USP13: variants seen among roughly 807,000 people sequenced by gnomAD.
The protein encoded by USP13 is ubiquitin specific peptidase 13, also known as ubiquitin carboxyl-terminal hydrolase 13.
In USP13, 68 loss-of-function variants were observed where a neutral mutation model predicts 107.8. The ratio of observed to expected loss-of-function variants is 0.63; its 90% CI spans 0.52 to 0.77. The LOEUF is 0.77. USP13 is among the 30% of genes least tolerant of loss of function. The pLI is 0.00. For missense variants in USP13, 945 were observed against 1,093.3 expected, an observed-to-expected ratio of 0.86 and a Z score of 1.91; for synonymous variants, 377 against 389.5, an observed-to-expected ratio of 0.97 and a Z score of 0.38.
rs565239947 is a variant in USP13 at position 179,784,781 on chromosome 3, A to G, written c.*640A>G. On this transcript the variant is annotated 3_prime_UTR_variant, in exon 21 of 21. Transcript: ENST00000263966. ...TGAGAGTGTGAGACTTTTACTAGAA[A>G]AGTGAGTCCACTAGAAAATCTGTGA... 5 of 152,338 alleles carry G rather than the reference A, an allele frequency of 3.3e-5. No homozygotes were observed. Among genetic ancestry groups the G allele is most frequent in the African/African-American group, 1.2e-4 (5 of 41,568 alleles). 9.4% of individuals were successfully genotyped at this position (152,338 alleles called of 1,614,324 possible).
At chr3:179,687,146 T>G (rs1436105750) in intron 2 of USP13, among the ~76,000 whole-genome samples, 1 of 152,216 alleles carries the variant, frequency 6.6e-6, no homozygotes, top group Non-Finnish European at 1.5e-5. Flanking sequence ...ACTCCAGCAT[T>G]TCATAGGTAC....
Position 179,721,457 on chromosome 3 carries a change from T to C in USP13, c.956T>C (p.Val319Ala), listed in dbSNP as rs1396536614. 1 of 1,614,118 alleles carries C rather than the reference T, an allele frequency of 6.2e-7. No homozygotes were observed. The highest frequency in any genetic ancestry group is 8.5e-7 in the Non-Finnish European group (1 of 1,179,988). The change falls in exon 8 of 21, where the codon GTG becomes GCG. Residue 319 changes from valine to alanine, a missense_variant. Transcript: ENST00000263966. The surrounding 1 kb of genome is among the most constrained non-coding windows in gnomAD (Gnocchi z 4.3). Reference protein sequence around the residue: ...DIKLRVSEWEVIQESGTKLKP... With the variant: ...DIKLRVSEWEAIQESGTKLKP... Reference sequence around the variant, plus strand: ...AAGCTGAGGGTCAGTGAGTGGGAAGTGATCCAGGAGTCGGGCACGAAACTG... The same window carrying C: ...AAGCTGAGGGTCAGTGAGTGGGAAGCGATCCAGGAGTCGGGCACGAAACTG...
At chr3:179,654,966 G>A (rs375013173) in intron 1 of USP13, among the ~76,000 whole-genome samples, 1 of 152,142 alleles carries the variant, frequency 6.6e-6, no homozygotes, top group Non-Finnish European at 1.5e-5. Flanking sequence ...CCACAGAGTG[G>A]AGTGTGACAA....
chr3:179,701,310 C>G (rs1008069858), intron 4 of USP13, among the ~76,000 whole-genome samples, 181 bp downstream of exon 4: 1 of 152,082 alleles, frequency 6.6e-6, no homozygotes, highest in African/African-American at 2.4e-5. Flanking sequence ...GGAGTCTTGC[C>G]GGCTTACATT....
At chr3:179,682,096 CA>C in intron 2 of USP13, 93 bp downstream of exon 2, 3 of 1,464,118 alleles carry the variant, frequency 2.0e-6, no homozygotes, top group Non-Finnish European at 2.8e-6. Flanking sequence ...ACCATGCCCA[CA>C]TAACTTCCGA....
chr3:179,716,370 C>G (rs1457277678), intron 6 of USP13, among the ~76,000 whole-genome samples: 1 of 152,194 alleles, frequency 6.6e-6, no homozygotes, highest in Non-Finnish European at 1.5e-5. Context: ...CATGACTAAA[C>G]CATGAGACCC....
At chr3:179,733,441 AC>A (rs977698108) in intron 10 of USP13, among the ~76,000 whole-genome samples, 5 of 152,100 alleles carry the variant, frequency 3.3e-5, no homozygotes, top group African/African-American at 1.2e-4. Context: ...AAAAATCTCC[AC>A]TTTCCTTGAC....
chr3:179,691,553 T>G (rs1309050506), intron 3 of USP13, among the ~76,000 whole-genome samples: 1 of 152,226 alleles, frequency 6.6e-6, no homozygotes, highest in Non-Finnish European at 1.5e-5. Flanking sequence ...TACATGATGT[T>G]AACATGTTGT....
rs1292366985 is a variant in USP13 at position 179,678,472 on chromosome 3, G to T, written c.169-3406G>T. 7.1e-6 allele frequency among the ~76,000 whole-genome samples: 1 copy of T among 140,044 alleles called. No homozygotes were observed. The highest frequency in any genetic ancestry group is 1.6e-5 in the Non-Finnish European group (1 of 64,214). The allele number at this position is 140,044 out of a possible 152,430, so 91.9% of individuals were successfully genotyped here. Reference sequence around the variant, plus strand: ...TATATTATAATTATAAGCTTTTTTGGATGCTATTTTTTTTTTTTGAGACAG... The same window carrying T: ...TATATTATAATTATAAGCTTTTTTGTATGCTATTTTTTTTTTTTGAGACAG... On this transcript the variant is annotated intron_variant, in intron 1 of 20. Coordinates refer to ENST00000263966, the MANE Select transcript of USP13 (RefSeq NM_003940.3). The surrounding 1 kb of genome is among the most constrained non-coding windows in gnomAD (Gnocchi z 4.2).
At chr3:179,733,832 C>T (rs914976498) in intron 10 of USP13, among the ~76,000 whole-genome samples, 26 of 152,308 alleles carry the variant, frequency 1.7e-4, no homozygotes, top group Admixed American at 1.1e-3. Flanking sequence ...GATGCGGAAA[C>T]GGATGCACAG....
chr3:179,679,417 G>A (rs1055654675), intron 1 of USP13, among the ~76,000 whole-genome samples: 1 of 151,994 alleles, frequency 6.6e-6, no homozygotes, highest in Non-Finnish European at 1.5e-5. Flanking sequence ...ATTTTGTAAG[G>A]TATTTATTGG....
chr3:179,750,782 A>G (rs191136674), intron 13 of USP13, among the ~76,000 whole-genome samples: 1 of 152,308 alleles, frequency 6.6e-6, no homozygotes, highest in East Asian at 1.9e-4. Context: ...CCTGGCAGGT[A>G]GACATGATTA....
intron 3 of USP13, among the ~76,000 whole-genome samples, chr3:179,696,964 A>T (rs1316293419): frequency 1.3e-5 from 2 of 152,334 alleles, no homozygotes; most frequent in East Asian, 3.9e-4. Flanking sequence ...AATTTAAAAA[A>T]TACCATATGT....
At chr3:179,730,796 C>A in intron 10 of USP13, 87 bp downstream of exon 10, 1 of 1,248,442 alleles carries the variant, frequency 8.0e-7, no homozygotes, top group Non-Finnish European at 1.2e-6. Context: ...ACATGGTGGC[C>A]ATAAATTTAG....
chr3:179,734,671 C>G (rs909140115), intron 10 of USP13, among the ~76,000 whole-genome samples: 1 of 152,138 alleles, frequency 6.6e-6, no homozygotes, highest in South Asian at 2.1e-4. Context: ...AGTAATAGTT[C>G]GGGAATGCCC....
intron 19 of USP13, among the ~76,000 whole-genome samples, chr3:179,780,415 A>G (rs1715705089): frequency 6.6e-6 from 1 of 152,228 alleles, no homozygotes; most frequent in Non-Finnish European, 1.5e-5. Flanking sequence ...ACAAAATTAA[A>G]TTATATTTCT....
intron 1 of USP13, among the ~76,000 whole-genome samples, chr3:179,681,618 C>G (rs1015974000): frequency 6.6e-6 from 1 of 151,192 alleles, no homozygotes; most frequent in Non-Finnish European, 1.5e-5. Context: ...TGCTTTGAGT[C>G]AGTTTACACT....
chr3:179,776,619 G>C (rs902499347), intron 19 of USP13, among the ~76,000 whole-genome samples: 1 of 152,116 alleles, frequency 6.6e-6, no homozygotes, highest in African/African-American at 2.4e-5. Context: ...CATTAGGAGG[G>C]ACACTGTCCA....
chr3:179,707,036 A>G lies in USP13; in HGVS notation c.580A>G (p.Asn194Asp), dbSNP rs753476491. The G allele has an allele frequency of 6.2e-7, 1 of 1,614,166 alleles. No individual in the cohort carries two copies. Among genetic ancestry groups the G allele is most frequent in the Admixed American group, 1.7e-5 (1 of 60,008 alleles). The change falls in exon 5 of 21, where the codon AAC (asparagine) becomes GAC (aspartate). Residue 194 changes from asparagine (N) to aspartate (D), a missense_variant. Asn to Asp is a conservative substitution (Grantham distance 23, BLOSUM62 1). Transcript: ENST00000263966. ...NELPVSKYANNLTQLDNGVRI... is the reference protein window; with the variant it reads ...NELPVSKYANDLTQLDNGVRI... ...ATTGCCAGTATCTAAATATGCCAAC[A>G]ACCTCACCCAGCTGGACAATGGAGT...
Sources: gnomAD v4.1 joint callset for allele counts (sites outside exome capture counted in the v4.1 genomes callset) on GRCh38, gnomAD v4.1.1 for gene constraint, Gnocchi (gnomAD v3.1) non-coding constraint, MANE v1.5 for transcripts, NCBI Gene and HGNC (gene_info 2026-07-23, HGNC 2026-07-21) for gene names.